PALM2AKAP2: variants seen among roughly 807,000 people sequenced by gnomAD.
PALM2AKAP2 encodes the protein PALM2 and AKAP2 fusion, also known as PALM2-AKAP2 fusion protein.
In PALM2AKAP2, 37 loss-of-function variants were observed where a neutral mutation model predicts 71.5. The ratio of observed to expected loss-of-function variants is 0.52; its 90% CI spans 0.40 to 0.68. The LOEUF is 0.68. Ranked by LOEUF, PALM2AKAP2 falls within the 30% of genes least tolerant of loss-of-function variation. The pLI is 0.00. For synonymous variants in PALM2AKAP2, 468 were observed against 478.8 expected (o/e 0.98, Z 0.29); for missense variants, 1,224 against 1,191.8 (o/e 1.03, Z -0.40).
intron 1 of PALM2AKAP2, among the ~76,000 whole-genome samples, chr9:110,087,075 GACTA>G (rs1359647493): frequency 6.6e-6 from 1 of 152,062 alleles, no homozygotes; most frequent in African/African-American, 2.4e-5. Context: ...TTCCTGCCTG[GACTA>G]ACTATCTCAC....
At chr9:109,701,912 C>T (rs902297310) in intron 1 of PALM2AKAP2, among the ~76,000 whole-genome samples, 44 of 152,108 alleles carry the variant, frequency 2.9e-4, no homozygotes, top group African/African-American at 1.0e-3. Flanking sequence ...AAAACAACCC[C>T]ATCAAAAAGT....
chr9:109,886,731 G>T (rs1829975025), intron 3 of PALM2AKAP2, among the ~76,000 whole-genome samples: 1 of 152,156 alleles, frequency 6.6e-6, no homozygotes, highest in African/African-American at 2.4e-5. Flanking sequence ...TTGAGGAGTT[G>T]GTTAGAGATC....
chr9:109,798,188 G>A (rs775062504), intron 1 of PALM2AKAP2, among the ~76,000 whole-genome samples: 5 of 152,094 alleles, frequency 3.3e-5, no homozygotes, highest in Non-Finnish European at 5.9e-5. Context: ...TTTTCATAAG[G>A]ACACCAATCA....
At chr9:109,805,469 T>C (rs182436083) in intron 1 of PALM2AKAP2, among the ~76,000 whole-genome samples, 217 of 152,330 alleles carry the variant, frequency 1.4e-3, no homozygotes, top group African/African-American at 4.8e-3. Flanking sequence ...GCTTATTTGG[T>C]GAAAAGCAGG....
chr9:109,750,510 G>T (rs900249949), intron 1 of PALM2AKAP2, among the ~76,000 whole-genome samples: 1 of 151,758 alleles, frequency 6.6e-6, no homozygotes, highest in African/African-American at 2.4e-5. Context: ...AATGGTCAAG[G>T]GTGGCCAACC....
At chr9:109,838,952 T>A (rs915299804) in intron 1 of PALM2AKAP2, among the ~76,000 whole-genome samples, 3 of 152,124 alleles carry the variant, frequency 2.0e-5, no homozygotes, top group Non-Finnish European at 2.9e-5. Context: ...ATTCTACCAG[T>A]GGTACAAGGA....
intron 1 of PALM2AKAP2, among the ~76,000 whole-genome samples, chr9:109,745,461 C>T (rs779287162): frequency 2.0e-5 from 3 of 151,930 alleles, no homozygotes; most frequent in African/African-American, 4.8e-5. Context: ...CTTCTCTGAT[C>T]TCTTAAGTCG....
intron 1 of PALM2AKAP2, among the ~76,000 whole-genome samples, chr9:110,055,228 T>C (rs910794490): frequency 1.1e-4 from 17 of 151,750 alleles, no homozygotes; most frequent in Non-Finnish European, 2.2e-4. Context: ...AGAGTTTTGC[T>C]CTTGTTGCCC....
intron 1 of PALM2AKAP2, among the ~76,000 whole-genome samples, chr9:109,814,310 C>CT (rs1438536326): frequency 3.9e-5 from 6 of 152,204 alleles, no homozygotes; most frequent in African/African-American, 9.6e-5. Flanking sequence ...TAAATATATA[C>CT]TTAATGCACA....
chr9:109,887,629 A>G (rs1283623602), intron 3 of PALM2AKAP2, among the ~76,000 whole-genome samples: 3 of 152,098 alleles, frequency 2.0e-5, no homozygotes, highest in East Asian at 1.9e-4. Flanking sequence ...TGAGGTAGTG[A>G]TGATGATGAT....
intron 1 of PALM2AKAP2, among the ~76,000 whole-genome samples, chr9:110,058,907 T>C (rs1037164593): frequency 6.8e-6 from 1 of 147,372 alleles, no homozygotes; most frequent in Non-Finnish European, 1.5e-5. Flanking sequence ...GGTTTTTTTT[T>C]TTTTTTTTTT....
At chr9:109,993,568 G>T (rs1231880258) in intron 6 of PALM2AKAP2, among the ~76,000 whole-genome samples, 1 of 152,114 alleles carries the variant, frequency 6.6e-6, no homozygotes, top group Non-Finnish European at 1.5e-5. Flanking sequence ...AATAGAAGAG[G>T]GTAGCAGCCC....
At chr9:110,053,088 C>T (rs1226318982) in intron 1 of PALM2AKAP2, among the ~76,000 whole-genome samples, 2 of 152,138 alleles carry the variant, frequency 1.3e-5, no homozygotes, top group East Asian at 3.8e-4. Context: ...TGAGGAGGGG[C>T]TGGAGAAGAC....
intron 1 of PALM2AKAP2, among the ~76,000 whole-genome samples, chr9:109,707,245 C>T (rs572653347): frequency 1.3e-5 from 2 of 152,038 alleles, no homozygotes; most frequent in Admixed American, 1.3e-4. Context: ...GCATTTGAAT[C>T]CATTTCCAAG....
chr9:109,748,848 T>C (rs991403023), intron 1 of PALM2AKAP2, among the ~76,000 whole-genome samples: 3 of 152,184 alleles, frequency 2.0e-5, no homozygotes, highest in African/African-American at 7.2e-5. Flanking sequence ...GGCTTATGGA[T>C]GGCCATCTTC....
chr9:110,148,739 A>G (rs1490972978), intron 2 of PALM2AKAP2: 1 of 152,204 alleles, frequency 6.6e-6, no homozygotes, highest in East Asian at 1.9e-4. Flanking sequence ...TGGTTTTTAA[A>G]TACGAGTGGG....
At chr9:109,734,278 A>G (rs2118667334) in intron 1 of PALM2AKAP2, among the ~76,000 whole-genome samples, 1 of 152,278 alleles carries the variant, frequency 6.6e-6, no homozygotes, top group Admixed American at 6.5e-5. Flanking sequence ...GAATCAATCT[A>G]GACTATCACT....
At chr9:109,891,313 A>G (rs952662285) in intron 3 of PALM2AKAP2, among the ~76,000 whole-genome samples, 6 of 152,110 alleles carry the variant, frequency 3.9e-5, no homozygotes, top group Non-Finnish European at 1.5e-5. Flanking sequence ...CATTCTGTAC[A>G]AGCATGCACC....
intron 6 of PALM2AKAP2, among the ~76,000 whole-genome samples, chr9:110,004,488 G>T (rs1213732560): frequency 6.6e-6 from 1 of 152,114 alleles, no homozygotes; most frequent in African/African-American, 2.4e-5. Flanking sequence ...CAACTTTGGT[G>T]AATCTGACAA....
Sources: allele counts gnomAD v4.1 joint callset (sites outside exome capture counted in the v4.1 genomes callset), GRCh38; gene constraint gnomAD v4.1.1; transcripts MANE v1.5; gene names NCBI Gene and HGNC (gene_info 2026-07-23, HGNC 2026-07-21).